Variants in TYW1 observed in about 807,000 individuals in gnomAD.
TYW1 encodes the protein tRNA-yW synthesizing protein 1 homolog.
A neutral mutation model predicts 96.2 loss-of-function variants in TYW1; 46 were observed. That is an observed-to-expected ratio of 0.48 (90% CI 0.38 to 0.61). TYW1 has a LOEUF of 0.61. Ranked by LOEUF, TYW1 falls within the 20% of genes least tolerant of loss-of-function variation. TYW1 has a pLI of 0.00. For synonymous variants in TYW1, 274 were observed against 323.0 expected, an observed-to-expected ratio of 0.85 and a Z score of 1.63; for missense variants, 684 against 909.6, an observed-to-expected ratio of 0.75 and a Z score of 3.19.
intron 15 of TYW1, among the ~76,000 whole-genome samples, chr7:67,238,086 C>T (rs973857893): frequency 1.3e-5 from 2 of 151,482 alleles, no homozygotes; most frequent in Non-Finnish European, 2.9e-5. Context: ...AGCAAAACTG[C>T]AGGCCCAAGG....
Position 67,167,793 on chromosome 7 carries a change from C to T in TYW1, c.1699-15333C>T, listed in dbSNP as rs536373226. On this transcript the variant is annotated intron_variant, in intron 13 of 15. Coordinates refer to ENST00000359626, the MANE Select transcript of TYW1 (RefSeq NM_018264.4). ...TGATTGAGACAGAGTCTCACTCTGT[C>T]GCCCAGGCTGGAGTGCAGTAGCGCG... 1.4e-4 allele frequency among the ~76,000 whole-genome samples: 22 copies of T among 151,916 alleles called. No homozygotes were observed. In the South Asian group the frequency reaches 3.3e-3, roughly 23 times the overall value.
At chr7:67,061,882 A>G (rs1385102587) in intron 9 of TYW1, among the ~76,000 whole-genome samples, 2 of 152,106 alleles carry the variant, frequency 1.3e-5, no homozygotes, top group East Asian at 3.8e-4. Flanking sequence ...AAATATTTTA[A>G]GTAAAGAACC....
intron 1 of TYW1, among the ~76,000 whole-genome samples, 157 bp from the exon 2 acceptor site, chr7:66,997,908 C>T (rs1377650668): frequency 1.3e-5 from 2 of 152,224 alleles, no homozygotes; most frequent in Non-Finnish European, 2.9e-5. Context: ...GAATTACAGG[C>T]ATGAGCCATC....
chr7:67,175,701 T>G (rs1799651677), intron 13 of TYW1, among the ~76,000 whole-genome samples: 1 of 152,200 alleles, frequency 6.6e-6, no homozygotes, highest in Non-Finnish European at 1.5e-5. Flanking sequence ...GGTTAATAGA[T>G]GCATAAAAAG....
At chr7:67,072,934 G>GGTTT (rs1317316140) in intron 10 of TYW1, among the ~76,000 whole-genome samples, 2 of 71,222 alleles carry the variant, frequency 2.8e-5, no homozygotes, top group African/African-American at 1.3e-4. Flanking sequence ...TGCCTATCCA[G>GGTTT]TTTTTTTTTT....
intron 5 of TYW1, 119 bp downstream of exon 5, chr7:67,014,680 A>G (rs914357643): frequency 3.3e-6 from 4 of 1,199,004 alleles, no homozygotes; most frequent in Non-Finnish European, 4.6e-6. Context: ...TGTATGTGAA[A>G]TAATCCACAA....
At chr7:67,203,132 C>T (rs564166253) in intron 15 of TYW1, among the ~76,000 whole-genome samples, 13 of 152,324 alleles carry the variant, frequency 8.5e-5, no homozygotes, top group South Asian at 6.2e-4. Context: ...CTTTGTAGTC[C>T]GATACCAACT....
chr7:67,166,368 T>G (rs1425604301), intron 13 of TYW1, among the ~76,000 whole-genome samples: 1 of 144,650 alleles, frequency 6.9e-6, no homozygotes, highest in African/African-American at 2.5e-5. Flanking sequence ...AATACATATA[T>G]ACATGATTTT....
chr7:67,056,012 A>G, intron 9 of TYW1, 125 bp downstream of exon 9: 1 of 747,944 alleles, frequency 1.3e-6, no homozygotes, highest in Non-Finnish European at 2.0e-6. Flanking sequence ...AGATTTTTAA[A>G]TGATTCTTTA....
Position 67,055,851 on chromosome 7 carries a change from G to A in TYW1, c.1119G>A (p.Gly373=). ...TCCACTCAGGTTATCAGTTGATTGG[G>A]AGCCACTCGGGGGTGAAGCTTTGCA... is the stretch of plus-strand genomic sequence containing the variant. ...ALTKQGYQLI[G]SHSGVKLCRW... is the part of the protein sequence containing the mutation. The change falls in exon 9 of 16, where the codon GGG becomes GGA. Residue 373 remains glycine (G), a synonymous_variant. Coordinates refer to ENST00000359626, the MANE Select transcript of TYW1 (RefSeq NM_018264.4). 6.2e-7 allele frequency: 1 copy of A among 1,613,022 alleles called. No homozygotes were observed. The highest frequency in any genetic ancestry group is 8.5e-7 in the Non-Finnish European group (1 of 1,179,424).
chr7:67,188,966 G>A (rs1174597905), intron 14 of TYW1, among the ~76,000 whole-genome samples: 8 of 152,226 alleles, frequency 5.3e-5, no homozygotes, highest in Non-Finnish European at 1.2e-4. Flanking sequence ...TGCATTCAGA[G>A]TACTGTACTG....
chr7:67,133,568 T>C lies in TYW1; in HGVS notation c.1698+15950T>C, dbSNP rs1356339070. Among the ~76,000 whole-genome samples, 3 of 145,224 alleles carry C rather than the reference T, an allele frequency of 2.1e-5. 1 individual carries two copies. Among genetic ancestry groups the C allele is most frequent in the South Asian group, 4.5e-4 (2 of 4,492 alleles). On this transcript the variant is annotated intron_variant, in intron 13 of 15. Coordinates refer to ENST00000359626, the MANE Select transcript of TYW1 (RefSeq NM_018264.4). ...CAAAAATTAGCTGGGCGTGATGATG[T>C]GCGCCTGTTGTCCCAGGTACTTGGC...
intron 8 of TYW1, among the ~76,000 whole-genome samples, chr7:67,054,831 G>T (rs1470398665): frequency 6.6e-6 from 1 of 152,122 alleles, no homozygotes; most frequent in Admixed American, 6.6e-5. Flanking sequence ...CTACTAGTTT[G>T]TTTAAAAAGG....
intron 14 of TYW1, among the ~76,000 whole-genome samples, chr7:67,185,139 A>G (rs972973200): frequency 6.6e-6 from 1 of 152,162 alleles, no homozygotes; most frequent in African/African-American, 2.4e-5. Context: ...TGGCAGCGGC[A>G]CAGGATAAAT....
intron 3 of TYW1, among the ~76,000 whole-genome samples, chr7:67,000,052 C>T (rs1793326089): frequency 6.6e-6 from 1 of 152,060 alleles, no homozygotes; most frequent in South Asian, 2.1e-4. Flanking sequence ...CCTCCCACCT[C>T]AGCCTCCTGA....
At chr7:67,099,171 G>A (rs1264814200) in intron 12 of TYW1, among the ~76,000 whole-genome samples, 3 of 151,770 alleles carry the variant, frequency 2.0e-5, no homozygotes, top group East Asian at 1.9e-4. Flanking sequence ...GTCTACAGGC[G>A]CCTGGCACCA....
chr7:67,100,274 A>G (rs966157188), intron 12 of TYW1, among the ~76,000 whole-genome samples: 4 of 152,018 alleles, frequency 2.6e-5, no homozygotes, highest in Non-Finnish European at 4.4e-5. Context: ...CTCTGGGGAA[A>G]TGATCTGTTT....
chr7:67,087,981 A>G (rs1417081187), intron 11 of TYW1, among the ~76,000 whole-genome samples: 1 of 152,076 alleles, frequency 6.6e-6, no homozygotes. Flanking sequence ...CTCCCACCTC[A>G]GCCTCCCAAG....
At position 67,062,577 on chromosome 7, in the gene TYW1, A is replaced by AAAAAAAAAAAAAAAAAAAAG. The variant is rs773963932; in HGVS notation, c.1156-4704_1156-4703insAAAAAAAAAAAAAAAGAAAA. Among the ~76,000 whole-genome samples, 120 of 147,084 alleles carry AAAAAAAAAAAAAAAAAAAAG rather than the reference A, an allele frequency of 8.2e-4. 1 individual carries two copies. Among genetic ancestry groups the AAAAAAAAAAAAAAAAAAAAG allele is most frequent in the Non-Finnish European group, 1.3e-3 (87 of 66,254 alleles). On this transcript the variant is annotated intron_variant, in intron 9 of 15. Coordinates refer to ENST00000359626, the MANE Select transcript of TYW1 (RefSeq NM_018264.4). ...GCGAGACTCCGTCTCAAAAAAAAAA[A>AAAAAAAAAAAAAAAAAAAAG]AAAAGAAAAGAAAACACAAATCATC...
Sources: gnomAD v4.1 joint callset for allele counts (sites outside exome capture counted in the v4.1 genomes callset) on GRCh38, gnomAD v4.1.1 for gene constraint, MANE v1.5 for transcripts, NCBI Gene and HGNC (gene_info 2026-07-23, HGNC 2026-07-21) for gene names.